PLEKHM3: variants seen among roughly 807,000 people sequenced by gnomAD.
The protein encoded by PLEKHM3 is pleckstrin homology domain containing M3, also known as pleckstrin homology domain-containing family M member 3.
A neutral mutation model predicts 81.8 loss-of-function variants in PLEKHM3; 45 were observed. The ratio of observed to expected loss-of-function variants is 0.55; its 90% CI spans 0.43 to 0.71. PLEKHM3 has a LOEUF of 0.71. Ranked by LOEUF, PLEKHM3 falls within the 30% of genes least tolerant of loss-of-function variation. PLEKHM3 has a pLI of 0.00. For missense variants in PLEKHM3, 788 were observed against 924.3 expected, an observed-to-expected ratio of 0.85 and a Z score of 1.91; for synonymous variants, 352 against 356.4, an observed-to-expected ratio of 0.99 and a Z score of 0.14.
chr2:208,020,275 A>T lies in PLEKHM3; in HGVS notation c.-319+5114T>A, dbSNP rs539128845. On this transcript the variant is annotated intron_variant, in intron 1 of 7. Transcript: ENST00000427836. ...TCTACCATGGTCATAAATGTGGCAT[A>T]TAATTGAAGGATTCTATTTGAACCA... Among the ~76,000 whole-genome samples, 4 of 152,364 alleles carry T rather than the reference A, an allele frequency of 2.6e-5. No individual in the cohort carries two copies. The South Asian group carries it at 8.3e-4, about 32-fold the overall frequency.
At chr2:207,952,516 C>T (rs1407732922) in intron 3 of PLEKHM3, among the ~76,000 whole-genome samples, 1 of 152,202 alleles carries the variant, frequency 6.6e-6, no homozygotes, top group African/African-American at 2.4e-5. Flanking sequence ...TAGTCTCTAA[C>T]CATTGGCTCA....
intron 3 of PLEKHM3, among the ~76,000 whole-genome samples, chr2:207,962,091 C>T (rs1353824824): frequency 6.6e-6 from 1 of 152,128 alleles, no homozygotes; most frequent in Non-Finnish European, 1.5e-5. Flanking sequence ...TAAGATCACA[C>T]CTGAGTTTAT....
chr2:208,002,762 T>G (rs538119606), intron 1 of PLEKHM3, among the ~76,000 whole-genome samples: 128 of 152,182 alleles, frequency 8.4e-4, no homozygotes, highest in African/African-American at 2.9e-3. Flanking sequence ...CCAGGCCAAA[T>G]TAGAGCAGAC....
intron 7 of PLEKHM3, among the ~76,000 whole-genome samples, chr2:207,837,651 T>TTTTTTG (rs2092326905): frequency 6.7e-6 from 1 of 148,862 alleles, no homozygotes; most frequent in Non-Finnish European, 1.5e-5. Flanking sequence ...TTTTTTTTTT[T>TTTTTTG]GAGATGGAGT....
chr2:208,009,168 G>T (rs1692605598), intron 1 of PLEKHM3, among the ~76,000 whole-genome samples: 2 of 151,986 alleles, frequency 1.3e-5, no homozygotes, highest in African/African-American at 4.8e-5. Flanking sequence ...TCACAATCTT[G>T]GGCTAGTTTG....
chr2:207,932,764 A>T (rs982351922), intron 4 of PLEKHM3, among the ~76,000 whole-genome samples: 7 of 152,316 alleles, frequency 4.6e-5, no homozygotes, highest in Admixed American at 6.5e-5. Flanking sequence ...TGGCACTTGG[A>T]TCTGGGTGTA....
intron 3 of PLEKHM3, among the ~76,000 whole-genome samples, chr2:207,963,364 G>T (rs1316891918): frequency 1.3e-5 from 2 of 152,170 alleles, no homozygotes; most frequent in African/African-American, 4.8e-5. Flanking sequence ...GAGGAGGTGG[G>T]CAGGGTCATT....
chr2:207,879,850 T>A (rs995462679), intron 6 of PLEKHM3, among the ~76,000 whole-genome samples: 2 of 152,202 alleles, frequency 1.3e-5, no homozygotes, highest in East Asian at 3.8e-4. Flanking sequence ...GACATTCTTG[T>A]TGATTATGCA....
chr2:207,982,963 G>C (rs1187979326), intron 2 of PLEKHM3, among the ~76,000 whole-genome samples: 1 of 151,760 alleles, frequency 6.6e-6, no homozygotes, highest in Non-Finnish European at 1.5e-5. Context: ...CAAAATATGT[G>C]TTAATTGACT....
intron 1 of PLEKHM3, among the ~76,000 whole-genome samples, chr2:208,013,886 T>C (rs1253751435): frequency 6.6e-6 from 1 of 152,248 alleles, no homozygotes; most frequent in Non-Finnish European, 1.5e-5. Flanking sequence ...CCAGTTTCTA[T>C]GGGCATTCAG....
chr2:207,936,113 G>C (rs1206723773), intron 4 of PLEKHM3, among the ~76,000 whole-genome samples: 1 of 152,202 alleles, frequency 6.6e-6, no homozygotes, highest in African/African-American at 2.4e-5. Context: ...CTCTGGAGTA[G>C]CTAGGTAGGA....
intron 5 of PLEKHM3, among the ~76,000 whole-genome samples, chr2:207,910,359 CAT>C (rs1333907964): frequency 6.6e-6 from 1 of 152,194 alleles, no homozygotes; most frequent in East Asian, 1.9e-4. Context: ...AACACAAGCA[CAT>C]GACACAAATG....
At chr2:207,928,386 T>C (rs1281155707) in intron 5 of PLEKHM3, among the ~76,000 whole-genome samples, 1 of 152,264 alleles carries the variant, frequency 6.6e-6, no homozygotes, top group Non-Finnish European at 1.5e-5. Context: ...GGATTAATTC[T>C]AGTAGAGAAA....
At chr2:208,003,665 A>C (rs1260253678) in intron 1 of PLEKHM3, among the ~76,000 whole-genome samples, 1 of 152,236 alleles carries the variant, frequency 6.6e-6, no homozygotes, top group Non-Finnish European at 1.5e-5. Flanking sequence ...GATATACATT[A>C]GTTATAAAAC....
chr2:207,895,746 C>T (rs1285935240), intron 6 of PLEKHM3, among the ~76,000 whole-genome samples: 2 of 152,216 alleles, frequency 1.3e-5, no homozygotes, highest in African/African-American at 4.8e-5. Flanking sequence ...ATATTACCTT[C>T]TGCATGTTCT....
chr2:208,024,054 G>A (rs963551475), intron 1 of PLEKHM3, among the ~76,000 whole-genome samples: 10 of 151,656 alleles, frequency 6.6e-5, no homozygotes, highest in African/African-American at 2.2e-4. Flanking sequence ...GAGGTGGAAG[G>A]ATCGCTTGAG....
Position 207,826,987 on chromosome 2 carries a change from G to A in PLEKHM3, c.*1332C>T, listed in dbSNP as rs1432214075. On this transcript the variant is annotated 3_prime_UTR_variant, in exon 8 of 8. Transcript: ENST00000427836. ...TGCTCTTCCAAGGGCACTGCAGCTG[G>A]AGAACACTACCTGCCAAATAGCAAA... 1 of 152,160 alleles carries A rather than the reference G, an allele frequency of 6.6e-6. No homozygotes were observed. The highest frequency in any genetic ancestry group is 6.6e-5 in the Admixed American group (1 of 15,264). The allele number at this position is 152,160 out of a possible 1,614,324, so 9.4% of individuals were successfully genotyped here.
At chr2:207,955,301 G>GGAAAAAAACAGGATGAAAAAAA (rs1690466015) in intron 3 of PLEKHM3, among the ~76,000 whole-genome samples, 2 of 152,002 alleles carry the variant, frequency 1.3e-5, no homozygotes, top group African/African-American at 2.4e-5. Flanking sequence ...TCTAAACTTA[G>GGAAAAAAACAGGATGAAAAAAA]TATTTTTTTC....
At chr2:207,854,806 C>T (rs2092429569) in intron 7 of PLEKHM3, among the ~76,000 whole-genome samples, 1 of 152,082 alleles carries the variant, frequency 6.6e-6, no homozygotes, top group Non-Finnish European at 1.5e-5. Context: ...AGTAAAGACC[C>T]CTATGAACTC....
Sources: gnomAD v4.1 joint callset for allele counts (sites outside exome capture counted in the v4.1 genomes callset) on GRCh38, gnomAD v4.1.1 for gene constraint, MANE v1.5 for transcripts, NCBI Gene and HGNC (gene_info 2026-07-23, HGNC 2026-07-21) for gene names.